CACNB2: variants seen among roughly 807,000 people sequenced by gnomAD.
CACNB2 encodes voltage-dependent L-type calcium channel subunit beta-2.
CACNB2 carries 42 observed loss-of-function variants against 73.3 expected under a neutral mutation model. The ratio of observed to expected loss-of-function variants is 0.57; its 90% CI spans 0.45 to 0.74. The LOEUF (loss-of-function observed/expected upper bound fraction) is 0.74. CACNB2 is among the 30% of genes least tolerant of loss of function. CACNB2 has a pLI of 0.00. For synonymous variants in CACNB2, 348 were observed against 310.3 expected (o/e 1.12, Z -1.28); for missense variants, 940 against 853.0 (o/e 1.10, Z -1.27).
chr10:18,171,521 GAA>G (rs370201485), intron 2 of CACNB2, among the ~76,000 whole-genome samples: 62 of 32,592 alleles, frequency 1.9e-3, no homozygotes, highest in African/African-American at 5.7e-3. Context: ...TTTGATAGCA[GAA>G]AAAAAAAAAA....
chr10:18,535,491 G>A (rs1375819486), intron 11 of CACNB2, among the ~76,000 whole-genome samples: 3 of 151,950 alleles, frequency 2.0e-5, no homozygotes, highest in Admixed American at 1.3e-4. Flanking sequence ...AAAAAAATTC[G>A]GCCGGGCGCA....
rs559677087 is a variant in CACNB2, at chr10:18,331,457, T to TA, written c.214-70452dup. Among the ~76,000 whole-genome samples the TA allele has an allele frequency of 6.7e-3, 921 of 138,426 alleles. 6 individuals carry two copies. Among genetic ancestry groups the TA allele is most frequent in the African/African-American group, 0.015 (561 of 37,588 alleles). 90.8% of individuals were successfully genotyped at this position (138,426 alleles called of 152,430 possible). ...GAACATAGCTAGATGGCATCTCATT[T>TA]AAAAAAAAAAAAAAAGGATGGGGGG... is the stretch of plus-strand genomic sequence containing the variant. On this transcript the variant is annotated intron_variant, in intron 2 of 13. Coordinates refer to ENST00000324631, the MANE Select transcript of CACNB2 (RefSeq NM_201596.3).
At chr10:18,515,149 C>T (rs2051150507) in intron 7 of CACNB2, 7 of 890,904 alleles carry the variant, frequency 7.9e-6, no homozygotes, top group Admixed American at 3.9e-5. Context: ...AGTGGTCATG[C>T]GTAGAGCCTT....
chr10:18,467,654 A>G (rs962392445), intron 3 of CACNB2, among the ~76,000 whole-genome samples: 2 of 152,198 alleles, frequency 1.3e-5, no homozygotes, highest in African/African-American at 2.4e-5. Context: ...ACTATTCTCC[A>G]TTGACAGTGG....
chr10:18,395,708 A>G lies in CACNB2; in HGVS notation c.214-6216A>G, dbSNP rs138559903. Among the ~76,000 whole-genome samples, 615 of 152,316 alleles carry G rather than the reference A, an allele frequency of 4.0e-3. 3 individuals are homozygous for G. Among genetic ancestry groups the G allele is most frequent in the Non-Finnish European group, 6.9e-3 (468 of 68,032 alleles). ...CTGACATTTTGGCTTTTACAGGATC[A>G]TAAAAGTATCACACAGGGATGACCC... On this transcript the variant is annotated intron_variant, in intron 2 of 13. Coordinates refer to ENST00000324631, the MANE Select transcript of CACNB2 (RefSeq NM_201596.3).
At chr10:18,312,529 A>G (rs998386888) in intron 2 of CACNB2, among the ~76,000 whole-genome samples, 1 of 152,168 alleles carries the variant, frequency 6.6e-6, no homozygotes. Flanking sequence ...CGATGACTAT[A>G]AGGAGATACA....
At chr10:18,175,750 A>C (rs1338979241) in intron 2 of CACNB2, among the ~76,000 whole-genome samples, 1 of 152,144 alleles carries the variant, frequency 6.6e-6, no homozygotes, top group Non-Finnish European at 1.5e-5. Context: ...CGTGCCTGCC[A>C]CCATGCCCTG....
intron 2 of CACNB2, among the ~76,000 whole-genome samples, chr10:18,184,491 C>G (rs762377657): frequency 2.6e-5 from 4 of 151,982 alleles, no homozygotes; most frequent in Non-Finnish European, 5.9e-5. Context: ...TGAACTAATA[C>G]TGATATACTA....
At chr10:18,208,693 T>G (rs1008907656) in intron 2 of CACNB2, among the ~76,000 whole-genome samples, 1 of 151,672 alleles carries the variant, frequency 6.6e-6, no homozygotes, top group East Asian at 1.9e-4. Context: ...TTCACCTTAT[T>G]TGTTAAATTT....
At chr10:18,169,535 C>T (rs1046941282) in intron 2 of CACNB2, among the ~76,000 whole-genome samples, 4 of 152,112 alleles carry the variant, frequency 2.6e-5, no homozygotes, top group African/African-American at 9.7e-5. Context: ...AAAAATATTG[C>T]TCTCTGAATA....
At chr10:18,242,574 T>C (rs2036697096) in intron 2 of CACNB2, among the ~76,000 whole-genome samples, 1 of 152,096 alleles carries the variant, frequency 6.6e-6, no homozygotes, top group South Asian at 2.1e-4. Flanking sequence ...AAATGAAGAA[T>C]CAAAACATCA....
chr10:18,378,798 C>CCTA (rs1190908937), intron 2 of CACNB2, among the ~76,000 whole-genome samples: 2 of 152,124 alleles, frequency 1.3e-5, no homozygotes, highest in African/African-American at 4.8e-5. Flanking sequence ...CTAAATCAGC[C>CCTA]ATTCACAGGT....
At chr10:18,421,582 G>C (rs1025028122) in intron 3 of CACNB2, among the ~76,000 whole-genome samples, 2 of 152,114 alleles carry the variant, frequency 1.3e-5, no homozygotes, top group African/African-American at 4.8e-5. Flanking sequence ...TTACAGGCCT[G>C]AGCCACCGTG....
intron 3 of CACNB2, among the ~76,000 whole-genome samples, chr10:18,464,418 T>TAAAAAAAAAAAAAAAAAAAAAAAA (rs762982462): frequency 2.2e-4 from 19 of 85,290 alleles, no homozygotes; most frequent in East Asian, 1.2e-3. Context: ...TCTCAAAAAT[T>TAAAAAAAAAAAAAAAAAAAAAAAA]AAAAAAAAAA....
chr10:18,455,923 C>T (rs2047256359), intron 3 of CACNB2, among the ~76,000 whole-genome samples: 1 of 152,198 alleles, frequency 6.6e-6, no homozygotes, highest in Non-Finnish European at 1.5e-5. Flanking sequence ...ATGAAGGATG[C>T]TCACTGAGGG....
Position 18,464,418 on chromosome 10 carries a change from T to TTAAAAAAAAAAAA in CACNB2, c.334-33937_334-33936insTAAAAAAAAAAAA, listed in dbSNP as rs1360690647. ...CAGAGTGAGACCCTGTCTCAAAAAT[T>TTAAAAAAAAAAAA]AAAAAAAAAAAAAAAAAAAAAAGAA... is the stretch of plus-strand genomic sequence containing the variant. On this transcript the variant is annotated intron_variant, in intron 3 of 13. Coordinates refer to ENST00000324631, the MANE Select transcript of CACNB2 (RefSeq NM_201596.3). Among the ~76,000 whole-genome samples the TTAAAAAAAAAAAA allele has an allele frequency of 2.3e-3, 194 of 85,246 alleles. 4 individuals are homozygous for TTAAAAAAAAAAAA. Among genetic ancestry groups the TTAAAAAAAAAAAA allele is most frequent in the African/African-American group, 2.6e-3 (66 of 24,948 alleles). The allele number at this position is 85,246 out of a possible 152,430, so 55.9% of individuals were successfully genotyped here.
At chr10:18,189,704 A>C (rs1201583394) in intron 2 of CACNB2, among the ~76,000 whole-genome samples, 1 of 152,320 alleles carries the variant, frequency 6.6e-6, no homozygotes, top group East Asian at 1.9e-4. Flanking sequence ...GCCTGAAGAT[A>C]TCTTTTTAGA....
At chr10:18,177,966 A>G (rs995789358) in intron 2 of CACNB2, among the ~76,000 whole-genome samples, 2 of 152,130 alleles carry the variant, frequency 1.3e-5, no homozygotes, top group African/African-American at 4.8e-5. Context: ...GAGGCATATC[A>G]TATGCATTTT....
chr10:18,446,143 A>G (rs374538703), intron 3 of CACNB2, among the ~76,000 whole-genome samples: 8 of 152,334 alleles, frequency 5.3e-5, no homozygotes, highest in African/African-American at 1.9e-4. Context: ...AAACAGCCAC[A>G]GCCAGAGCTC....
Sources: allele counts gnomAD v4.1 joint callset (sites outside exome capture counted in the v4.1 genomes callset), GRCh38; gene constraint gnomAD v4.1.1; transcripts MANE v1.5; gene names NCBI Gene and HGNC (gene_info 2026-07-23, HGNC 2026-07-21).